The following INPP4B variants were observed in gnomAD, a reference collection of about 807,000 sequenced individuals.
INPP4B encodes the protein inositol polyphosphate 4-phosphatase type II.
A neutral mutation model predicts 122.5 loss-of-function variants in INPP4B; 55 were observed. That is an observed-to-expected ratio of 0.45 (90% CI 0.36 to 0.56). The LOEUF is 0.56. Ranked by LOEUF, INPP4B falls within the 20% of genes least tolerant of loss-of-function variation. The pLI is 0.00. For synonymous variants in INPP4B, 403 were observed against 388.7 expected, an observed-to-expected ratio of 1.04 and a Z score of -0.43; for missense variants, 1,000 against 1,097.7, an observed-to-expected ratio of 0.91 and a Z score of 1.26.
At chr4:142,570,496 G>A (rs1732566835) in intron 2 of INPP4B, among the ~76,000 whole-genome samples, 1 of 151,900 alleles carries the variant, frequency 6.6e-6, no homozygotes, top group Non-Finnish European at 1.5e-5. Context: ...ATAATTTTTA[G>A]TTAATTTGAG....
intron 2 of INPP4B, among the ~76,000 whole-genome samples, chr4:142,702,956 G>A (rs767784677): frequency 3.3e-5 from 5 of 152,166 alleles, no homozygotes; most frequent in Non-Finnish European, 7.3e-5. Flanking sequence ...TTTATCTAGA[G>A]CACTTGCTCT....
chr4:142,498,196 C>CGT (rs1822883861), intron 2 of INPP4B, among the ~76,000 whole-genome samples: 1 of 148,618 alleles, frequency 6.7e-6, no homozygotes, highest in East Asian at 2.0e-4. Flanking sequence ...TATGTGTGTG[C>CGT]GTGTGTGTAT....
chr4:142,087,991 T>C (rs1311142575), intron 23 of INPP4B, among the ~76,000 whole-genome samples: 1 of 152,200 alleles, frequency 6.6e-6, no homozygotes, highest in Non-Finnish European at 1.5e-5. Context: ...AATATATGCA[T>C]GATTCCATTG....
chr4:142,135,722 A>AT (rs1215067656), intron 18 of INPP4B, among the ~76,000 whole-genome samples: 1 of 151,996 alleles, frequency 6.6e-6, no homozygotes, highest in African/African-American at 2.4e-5. Context: ...AGTAAATGAG[A>AT]TTTTTTCCTT....
At chr4:142,337,838 C>A (rs1014574895) in intron 7 of INPP4B, among the ~76,000 whole-genome samples, 7 of 148,452 alleles carry the variant, frequency 4.7e-5, no homozygotes, top group African/African-American at 1.5e-4. Flanking sequence ...TTGCATATTT[C>A]TTCCTCTCTC....
intron 5 of INPP4B, chr4:142,426,818 G>T (rs560770969): frequency 6.6e-6 from 1 of 152,054 alleles, no homozygotes; most frequent in South Asian, 2.1e-4. Context: ...AATTTAGAAA[G>T]CAAGGTCATT....
At chr4:142,780,749 G>C (rs1430335103) in intron 1 of INPP4B, among the ~76,000 whole-genome samples, 1 of 152,142 alleles carries the variant, frequency 6.6e-6, no homozygotes, top group Non-Finnish European at 1.5e-5. Context: ...AGTGAGCCAA[G>C]ATCACGCCAC....
chr4:142,089,765 A>G (rs767464510), intron 23 of INPP4B, among the ~76,000 whole-genome samples: 3 of 152,178 alleles, frequency 2.0e-5, no homozygotes, highest in African/African-American at 4.8e-5. Context: ...TTTGTATTTC[A>G]TAATTTTTCA....
At chr4:142,039,678 T>G (rs1468168380) in intron 25 of INPP4B, among the ~76,000 whole-genome samples, 1 of 152,100 alleles carries the variant, frequency 6.6e-6, no homozygotes, top group Non-Finnish European at 1.5e-5. Flanking sequence ...AAATAACTGA[T>G]TCCAGTTTTG....
chr4:142,316,965 A>G (rs187616052), intron 7 of INPP4B, among the ~76,000 whole-genome samples: 1 of 152,298 alleles, frequency 6.6e-6, no homozygotes, highest in Non-Finnish European at 1.5e-5. Flanking sequence ...AGTGAGTGAG[A>G]CACATGTGTG....
At chr4:142,280,206 G>A (rs926158809) in intron 9 of INPP4B, among the ~76,000 whole-genome samples, 1 of 151,728 alleles carries the variant, frequency 6.6e-6, no homozygotes. Context: ...TTACCCTAGA[G>A]AAATGAAAAC....
chr4:142,843,281 A>C (rs1035017866), intron 1 of INPP4B, among the ~76,000 whole-genome samples: 1 of 151,858 alleles, frequency 6.6e-6, no homozygotes, highest in Non-Finnish European at 1.5e-5. Context: ...TTATTTAATA[A>C]TCTCATTTCT....
At chr4:142,551,325 A>G (rs1470141126) in intron 2 of INPP4B, among the ~76,000 whole-genome samples, 1 of 152,190 alleles carries the variant, frequency 6.6e-6, no homozygotes, top group African/African-American at 2.4e-5. Context: ...GAGCCTAAAT[A>G]CTAAATTAAA....
At position 142,438,516 on chromosome 4, in the gene INPP4B, T is replaced by C. The variant is rs189516293; in HGVS notation, c.-126-7131A>G. On this transcript the variant is annotated intron_variant, in intron 3 of 25. Transcript: ENST00000262992. Reference sequence around the variant, plus strand: ...CTAGCCATATGCAGAAAACTGAAACTGGACCCCTTCCTTACACCTTGTACA... The same window carrying C: ...CTAGCCATATGCAGAAAACTGAAACCGGACCCCTTCCTTACACCTTGTACA... Among the ~76,000 whole-genome samples, 1,361 of 152,256 alleles carry C rather than the reference T, an allele frequency of 8.9e-3. 25 individuals are homozygous for C. Among genetic ancestry groups the C allele is most frequent in the African/African-American group, 0.03 (1,246 of 41,538 alleles).
At chr4:142,557,303 G>A (rs75636850) in intron 2 of INPP4B, among the ~76,000 whole-genome samples, 1 of 152,152 alleles carries the variant, frequency 6.6e-6, no homozygotes, top group Non-Finnish European at 1.5e-5. Context: ...AATAAGAGGA[G>A]AACAAGAAGA....
At chr4:142,371,349 T>A (rs1027987522) in intron 7 of INPP4B, among the ~76,000 whole-genome samples, 2 of 152,114 alleles carry the variant, frequency 1.3e-5, no homozygotes, top group South Asian at 4.1e-4. Context: ...GAAACACTTC[T>A]GGACATTGGT....
At chr4:142,590,980 G>A (rs1737364612) in intron 2 of INPP4B, among the ~76,000 whole-genome samples, 1 of 151,762 alleles carries the variant, frequency 6.6e-6, no homozygotes, top group South Asian at 2.1e-4. Context: ...AGGTGAGGCT[G>A]GTAGTTCCAG....
chr4:142,145,767 A>G (rs2152842626), intron 18 of INPP4B, 73 bp downstream of exon 18: 1 of 1,446,362 alleles, frequency 6.9e-7, no homozygotes, highest in Non-Finnish European at 9.6e-7. Context: ...CTCTTCTTCT[A>G]TATCATTTTT....
intron 11 of INPP4B, among the ~76,000 whole-genome samples, chr4:142,259,505 A>G (rs1738535263): frequency 6.6e-6 from 1 of 151,682 alleles, no homozygotes. Flanking sequence ...ACAGGATTAA[A>G]AACAGGCCAA....
Sources: gnomAD v4.1 joint callset for allele counts (sites outside exome capture counted in the v4.1 genomes callset) on GRCh38, gnomAD v4.1.1 for gene constraint, MANE v1.5 for transcripts, NCBI Gene and HGNC (gene_info 2026-07-23, HGNC 2026-07-21) for gene names.